The following ADAMTS18 variants were observed in gnomAD, a reference collection of about 807,000 sequenced individuals.
The protein encoded by ADAMTS18 is ADAM metallopeptidase with thrombospondin type 1 motif 18.
A neutral mutation model predicts 165.9 loss-of-function variants in ADAMTS18; 157 were observed. The observed-to-expected ratio is 0.95, with a 90% CI of 0.83 to 1.08. The LOEUF (loss-of-function observed/expected upper bound fraction) is 1.08, where lower values mean the gene tolerates loss of function less well. ADAMTS18 is among the 50% of genes least tolerant of loss of function. ADAMTS18 has a pLI of 0.00. For missense variants in ADAMTS18, 2,040 were observed against 1,534.0 expected (o/e 1.33, Z -5.51); for synonymous variants, 782 against 578.2 (o/e 1.35, Z -5.06).
chr16:77,301,256 T>C (rs774705636), intron 16 of ADAMTS18, among the ~76,000 whole-genome samples: 16 of 149,586 alleles, frequency 1.1e-4, no homozygotes, highest in Middle Eastern at 3.4e-3. Flanking sequence ...AACTCTATAA[T>C]GTAGCTGCCT....
chr16:77,407,796 T>C (rs1382633193), intron 3 of ADAMTS18, among the ~76,000 whole-genome samples: 1 of 151,980 alleles, frequency 6.6e-6, no homozygotes, highest in Non-Finnish European at 1.5e-5. Context: ...TCCAAGCAGA[T>C]TATAAACTAA....
intron 3 of ADAMTS18, among the ~76,000 whole-genome samples, chr16:77,427,691 T>A (rs2057690913): frequency 6.6e-6 from 1 of 152,258 alleles, no homozygotes; most frequent in Non-Finnish European, 1.5e-5. Flanking sequence ...AGGCAGTTTT[T>A]ACTCAGGGAA....
At chr16:77,290,114 G>GAGACAGAA in intron 21 of ADAMTS18, among the ~76,000 whole-genome samples, 1 of 152,040 alleles carries the variant, frequency 6.6e-6, no homozygotes, top group African/African-American at 2.4e-5. Flanking sequence ...CATTATAATT[G>GAGACAGAA]ACTGTAGTTT....
chr16:77,303,355 C>G (rs1447107808), intron 16 of ADAMTS18, among the ~76,000 whole-genome samples: 1 of 152,208 alleles, frequency 6.6e-6, no homozygotes, highest in Non-Finnish European at 1.5e-5. Context: ...TACTTGGCAT[C>G]TCCACTTGAA....
chr16:77,340,644 A>T (rs1437332027), intron 11 of ADAMTS18, among the ~76,000 whole-genome samples: 1 of 152,092 alleles, frequency 6.6e-6, no homozygotes, highest in African/African-American at 2.4e-5. Flanking sequence ...GCAGTGGCAT[A>T]ATCACAGCAC....
intron 16 of ADAMTS18, among the ~76,000 whole-genome samples, chr16:77,312,362 C>G (rs2055798891): frequency 1.3e-5 from 2 of 152,034 alleles, no homozygotes; most frequent in African/African-American, 2.4e-5. Context: ...CTCAGCCTCC[C>G]CAGTACCTAG....
intron 3 of ADAMTS18, among the ~76,000 whole-genome samples, chr16:77,410,241 A>T (rs2057444000): frequency 1.3e-5 from 2 of 152,002 alleles, no homozygotes; most frequent in Admixed American, 1.3e-4. Flanking sequence ...AATGTTGGTC[A>T]TAACCAACTG....
At chr16:77,353,952 C>T (rs1444633992) in intron 9 of ADAMTS18, 66 bp from the exon 10 acceptor site, 1 of 1,592,548 alleles carries the variant, frequency 6.3e-7, no homozygotes, top group Non-Finnish European at 8.6e-7. Context: ...TACGACAACA[C>T]ACTTCTGAAT....
At chr16:77,421,347 A>G (rs2057600087) in intron 3 of ADAMTS18, among the ~76,000 whole-genome samples, 2 of 152,212 alleles carry the variant, frequency 1.3e-5, no homozygotes, top group Admixed American at 6.5e-5. Flanking sequence ...CATGGGAAAA[A>G]CTTGATGTGA....
chr16:77,335,923 A>G lies in ADAMTS18; in HGVS notation c.1711-19T>C. 1 of 1,614,142 alleles carries G rather than the reference A, an allele frequency of 6.2e-7. No homozygotes were observed. On this transcript the variant is annotated intron_variant, in intron 11 of 22. Transcript: ENST00000282849. ...GACACCACTGTGAAAAGAACGTGTA[A>G]GATGGTTCCCGTCAGAGACCACCTG...
In ADAMTS18 at chr16:77,314,649, G is replaced by GTGTGTGTGTGTGTGTA. The variant is rs10527824; in HGVS notation, c.2532+5199_2532+5200insTACACACACACACACA. ...AATGTGTGTGTATGTGTGTGTGTGT[G>GTGTGTGTGTGTGTGTA]TATATATATATATGTACATATATAC... is the stretch of plus-strand genomic sequence containing the variant. On this transcript the variant is annotated intron_variant, in intron 16 of 22. Transcript: ENST00000282849. 7.6e-4 allele frequency among the ~76,000 whole-genome samples: 96 copies of GTGTGTGTGTGTGTGTA among 126,498 alleles called. 1 individual carries two copies. In the South Asian group the frequency reaches 0.019, roughly 25 times the overall value. The allele number at this position is 126,498 out of a possible 152,430, so 83.0% of individuals were successfully genotyped here. A position where few individuals can be genotyped will look rare whatever the true frequency, so the allele number is the denominator to read the frequency against.
chr16:77,400,528 C>A (rs2057317171), intron 3 of ADAMTS18, among the ~76,000 whole-genome samples: 1 of 148,464 alleles, frequency 6.7e-6, no homozygotes, highest in African/African-American at 2.5e-5. Flanking sequence ...GTCGCCCAGG[C>A]TGGAGCGCAG....
At position 77,431,518 on chromosome 16, in the gene ADAMTS18, T is replaced by G. The variant is rs754503759; in HGVS notation, c.272A>C (p.Gln91Pro). The change falls in exon 3 of 23, where the codon CAG (glutamine) becomes CCG (proline). Residue 91 changes from glutamine to proline, a missense_variant. Transcript: ENST00000282849. Reference sequence around the variant, plus strand: ...GTAGTGCAGGGAGCTTCTGGCATTCTGCGCCGATCGCTTTTTCCTGCCGTT... The same window carrying G: ...GTAGTGCAGGGAGCTTCTGGCATTCGGCGCCGATCGCTTTTTCCTGCCGTT... ...LHNGRKKRSA[Q>P]NARSSLHYRF... 1 of 1,614,226 alleles carries G rather than the reference T, an allele frequency of 6.2e-7. No individual in the cohort carries two copies. Among genetic ancestry groups the G allele is most frequent in the South Asian group, 1.1e-5 (1 of 91,090 alleles).
intron 3 of ADAMTS18, among the ~76,000 whole-genome samples, chr16:77,373,967 C>T (rs2056913835): frequency 6.6e-6 from 1 of 152,008 alleles, no homozygotes; most frequent in Non-Finnish European, 1.5e-5. Context: ...ACTTGTAATC[C>T]CAGCACTTCA....
intron 3 of ADAMTS18, among the ~76,000 whole-genome samples, chr16:77,390,558 C>T (rs1348477185): frequency 3.3e-5 from 5 of 152,044 alleles, no homozygotes; most frequent in African/African-American, 7.2e-5. Flanking sequence ...GGCATGGTGG[C>T]GTGTGCCTGT....
At chr16:77,408,871 C>A (rs1482317431) in intron 3 of ADAMTS18, among the ~76,000 whole-genome samples, 1 of 152,082 alleles carries the variant, frequency 6.6e-6, no homozygotes, top group East Asian at 1.9e-4. Flanking sequence ...GTTTCAGTTA[C>A]TCAAAGTCAA....
chr16:77,392,356 G>T (rs2057199197), intron 3 of ADAMTS18, among the ~76,000 whole-genome samples: 1 of 152,258 alleles, frequency 6.6e-6, no homozygotes, highest in Admixed American at 6.5e-5. Flanking sequence ...TGGCCTGATG[G>T]CTGATCTTGG....
At chr16:77,313,308 G>C (rs1330184060) in intron 16 of ADAMTS18, among the ~76,000 whole-genome samples, 1 of 152,034 alleles carries the variant, frequency 6.6e-6, no homozygotes, top group Admixed American at 6.6e-5. Flanking sequence ...GTGGGGGCAG[G>C]GGGGAAGGAT....
intron 20 of ADAMTS18, among the ~76,000 whole-genome samples, chr16:77,292,749 T>C (rs1223353119): frequency 1.3e-5 from 2 of 152,152 alleles, no homozygotes; most frequent in Non-Finnish European, 2.9e-5. Flanking sequence ...TTGGTATCAA[T>C]GTGTGCAACA....
Sources: gnomAD v4.1 joint callset for allele counts (sites outside exome capture counted in the v4.1 genomes callset) on GRCh38, gnomAD v4.1.1 for gene constraint, MANE v1.5 for transcripts, NCBI Gene and HGNC (gene_info 2026-07-23, HGNC 2026-07-21) for gene names.